The following FHL2 variants were observed in gnomAD, a reference collection of about 807,000 sequenced individuals.
The protein encoded by FHL2 is four and a half LIM domains 2.
Under a neutral mutation model 32.7 loss-of-function variants are expected in FHL2, and 20 were observed. The ratio of observed to expected loss-of-function variants is 0.61; its 90% CI spans 0.43 to 0.89. The LOEUF (loss-of-function observed/expected upper bound fraction) is 0.89, where lower values mean the gene tolerates loss of function less well. FHL2 is among the 40% of genes least tolerant of loss of function. The pLI is 0.00. For synonymous variants in FHL2, 123 were observed against 128.1 expected (o/e 0.96, Z 0.27); for missense variants, 311 against 358.6 (o/e 0.87, Z 1.07).
intron 1 of FHL2, among the ~76,000 whole-genome samples, chr2:105,434,158 T>C (rs938299256): frequency 3.3e-5 from 5 of 152,384 alleles, no homozygotes; most frequent in African/African-American, 1.2e-4. Context: ...TCATAGATTT[T>C]GCCCTCAATA....
chr2:105,383,464 A>G lies in FHL2; in HGVS notation c.156+2897T>C, dbSNP rs113527672. On this transcript the variant is annotated intron_variant, in intron 3 of 6. Coordinates refer to ENST00000530340, the MANE Select transcript of FHL2 (RefSeq NM_001318895.3). ...ATAAAGATTACAATTCAGTGGCTAC[A>G]TAGAGAGGATGTTCAAACTATATAA... Among the ~76,000 whole-genome samples, 830 of 152,352 alleles carry G rather than the reference A, an allele frequency of 5.4e-3. 6 individuals are homozygous for G. Among genetic ancestry groups the G allele is most frequent in the Non-Finnish European group, 8.5e-3 (577 of 68,032 alleles).
chr2:105,418,228 G>A (rs959456262), intron 1 of FHL2, among the ~76,000 whole-genome samples: 1 of 152,076 alleles, frequency 6.6e-6, no homozygotes, highest in Non-Finnish European at 1.5e-5. Flanking sequence ...GCTGCCAAGG[G>A]CTCATCATTG....
chr2:105,366,396 G>A (rs1193163376), intron 5 of FHL2, among the ~76,000 whole-genome samples: 1 of 152,214 alleles, frequency 6.6e-6, no homozygotes, highest in Non-Finnish European at 1.5e-5. Context: ...GGGCAAAACA[G>A]CAGAAGCTGG....
chr2:105,361,707 G>A (rs1447125225), intron 6 of FHL2, among the ~76,000 whole-genome samples: 1 of 152,160 alleles, frequency 6.6e-6, no homozygotes, highest in South Asian at 2.1e-4. Flanking sequence ...TTTGTTATGT[G>A]TTTTCCCACA....
At chr2:105,432,545 TA>T (rs1684471233) in intron 1 of FHL2, among the ~76,000 whole-genome samples, 1 of 152,212 alleles carries the variant, frequency 6.6e-6, no homozygotes, top group Admixed American at 6.5e-5. Context: ...CCTAGTAAGT[TA>T]ATTAAAAGAT....
chr2:105,422,425 AC>A (rs1684131166), intron 1 of FHL2, among the ~76,000 whole-genome samples: 1 of 152,152 alleles, frequency 6.6e-6, no homozygotes, highest in Non-Finnish European at 1.5e-5. Context: ...AGGAAGCAAA[AC>A]TGTGATGGGA....
chr2:105,376,903 G>A (rs1025964271), intron 3 of FHL2, among the ~76,000 whole-genome samples: 2 of 152,060 alleles, frequency 1.3e-5, no homozygotes, highest in South Asian at 2.1e-4. Flanking sequence ...TAAGTGAAAC[G>A]ACAAATCGGT....
chr2:105,367,804 C>G, intron 4 of FHL2, 65 bp from the exon 5 acceptor site: 2 of 1,522,974 alleles, frequency 1.3e-6, no homozygotes, highest in East Asian at 2.3e-5. Context: ...TCCCAGCAAT[C>G]TGCCTTCAGA....
At chr2:105,415,441 G>T (rs1683905467) in intron 1 of FHL2, among the ~76,000 whole-genome samples, 1 of 152,174 alleles carries the variant, frequency 6.6e-6, no homozygotes, top group Non-Finnish European at 1.5e-5. Context: ...TCTGAATTTT[G>T]CACCGTGTGC....
intron 1 of FHL2, among the ~76,000 whole-genome samples, chr2:105,412,538 T>C (rs983786304): frequency 6.6e-6 from 1 of 152,076 alleles, no homozygotes; most frequent in African/African-American, 2.4e-5. Context: ...GGTATGAACA[T>C]AGGGGTCATT....
intron 1 of FHL2, among the ~76,000 whole-genome samples, chr2:105,421,047 G>A (rs1684089617): frequency 6.6e-6 from 1 of 152,194 alleles, no homozygotes; most frequent in African/African-American, 2.4e-5. Context: ...CAGAGCCAGT[G>A]GTGGCCCAGT....
At position 105,433,498 on chromosome 2, in the gene FHL2, G is replaced by A. The variant is rs189189792; in HGVS notation, c.-25+4901C>T. 1.3e-4 allele frequency among the ~76,000 whole-genome samples: 20 copies of A among 152,240 alleles called. 1 individual carries two copies. Among genetic ancestry groups the A allele is most frequent in the Admixed American group, 1.2e-3 (18 of 15,304 alleles). Reference sequence around the variant, plus strand: ...CGCCCGGCTTCATTTTTAAGATGAGGTCCTTTCTCCGTTGTGGAGACTTTT... The same window carrying A: ...CGCCCGGCTTCATTTTTAAGATGAGATCCTTTCTCCGTTGTGGAGACTTTT... On this transcript the variant is annotated intron_variant, in intron 1 of 5. Coordinates refer to the FHL2 transcript ENST00000393352.
chr2:105,408,873 G>A lies in FHL2; in HGVS notation c.-24-22333C>T, dbSNP rs1388766966. Reference sequence around the variant, plus strand: ...GAAAGATTACTTTCTTCCCCTTTCCGTCTGAAGCTCTCAGAAGACAGGCAG... The same window carrying A: ...GAAAGATTACTTTCTTCCCCTTTCCATCTGAAGCTCTCAGAAGACAGGCAG... On this transcript the variant is annotated intron_variant, in intron 1 of 5. Coordinates refer to the FHL2 transcript ENST00000393352. Among the ~76,000 whole-genome samples, 10 of 152,194 alleles carry A rather than the reference G, an allele frequency of 6.6e-5. No homozygotes were observed. In the East Asian group the frequency reaches 1.5e-3, roughly 23 times the overall value.
chr2:105,396,919 G>C (rs981100235), intron 1 of FHL2: 3 of 527,740 alleles, frequency 5.7e-6, no homozygotes, highest in Non-Finnish European at 1.0e-5. Flanking sequence ...ACTCAGGCCC[G>C]GTGCTGACAA....
intron 1 of FHL2, among the ~76,000 whole-genome samples, chr2:105,409,337 G>A (rs1397205528): frequency 6.6e-6 from 1 of 152,124 alleles, no homozygotes; most frequent in Admixed American, 6.5e-5. Flanking sequence ...TGGGAGTCGG[G>A]AATCATTTTA....
chr2:105,419,737 G>A (rs1304648952), intron 1 of FHL2, among the ~76,000 whole-genome samples: 4 of 152,060 alleles, frequency 2.6e-5, no homozygotes, highest in African/African-American at 9.7e-5. Flanking sequence ...AGCCTCTTTG[G>A]TTCTTCACTT....
intron 3 of FHL2, among the ~76,000 whole-genome samples, chr2:105,385,636 C>A (rs540774208): frequency 6.6e-6 from 1 of 152,124 alleles, no homozygotes; most frequent in Non-Finnish European, 1.5e-5. Flanking sequence ...AAGCCGTTTG[C>A]GGGTGAAGGT....
chr2:105,436,161 G>A (rs1006966089), intron 1 of FHL2, among the ~76,000 whole-genome samples: 8 of 152,004 alleles, frequency 5.3e-5, no homozygotes, highest in African/African-American at 1.9e-4. Context: ...TAGTGTATTA[G>A]AGATTAAGTG....
At chr2:105,398,317 G>T (rs1573376363) in intron 1 of FHL2, among the ~76,000 whole-genome samples, 1 of 152,264 alleles carries the variant, frequency 6.6e-6, no homozygotes, top group South Asian at 2.1e-4. Context: ...TTTAAAATAA[G>T]CCATTTTTGT....
Sources: allele counts gnomAD v4.1 joint callset (sites outside exome capture counted in the v4.1 genomes callset), GRCh38; gene constraint gnomAD v4.1.1; transcripts MANE v1.5; gene names NCBI Gene and HGNC (gene_info 2026-07-23, HGNC 2026-07-21).